Variants in PARP10 observed in about 807,000 individuals in gnomAD.
The protein encoded by PARP10 is poly(ADP-ribose) polymerase family member 10.
In PARP10, 56 loss-of-function variants were observed where a neutral mutation model predicts 82.4. That is an observed-to-expected ratio of 0.68 (90% CI 0.55 to 0.85). PARP10 has a LOEUF of 0.85. PARP10 is among the 40% of genes least tolerant of loss of function. The pLI is 0.00. For missense variants in PARP10, 1,227 were observed against 1,379.4 expected (o/e 0.89, Z 1.75); for synonymous variants, 576 against 601.1 (o/e 0.96, Z 0.61).
intron 1 of PARP10, among the ~76,000 whole-genome samples, chr8:144,002,180 G>T (rs564253936): frequency 2.0e-5 from 3 of 152,188 alleles, no homozygotes; most frequent in East Asian, 3.9e-4. Flanking sequence ...CATAATAAAA[G>T]ATTTTAAATA....
chr8:143,983,318 G>A lies in PARP10; in HGVS notation c.2271C>T (p.Cys757=), dbSNP rs1833906561. Reference sequence around the variant, plus strand: ...CACGCAGGGCAACACTCACACCATGGCACCGCTCCAGGCGAGCACGCAGCT... The same window carrying A: ...CACGCAGGGCAACACTCACACCATGACACCGCTCCAGGCGAGCACGCAGCT... ...PAELRARLER[C]HGVSVALRGD... The change falls in exon 8 of 11, where the codon TGC becomes TGT. Residue 757 remains cysteine (C), a synonymous_variant. Transcript: ENST00000313028. 1.2e-6 allele frequency: 2 copies of A among 1,611,896 alleles called. No homozygotes were observed. The highest frequency in any genetic ancestry group is 1.1e-5 in the South Asian group (1 of 90,930).
At chr8:143,994,529 A>G (rs1256711678), upstream of PARP10, among the ~76,000 whole-genome samples, 1 of 152,132 alleles carries the variant, frequency 6.6e-6, no homozygotes, top group Non-Finnish European at 1.5e-5. Context: ...CCATCTGCCC[A>G]CTGGTGGCTC....
intron 1 of PARP10, among the ~76,000 whole-genome samples, chr8:144,001,159 C>A (rs1270646470): frequency 6.6e-6 from 1 of 151,642 alleles, no homozygotes; most frequent in Non-Finnish European, 1.5e-5. Context: ...CGTGATCTGC[C>A]CGCCTCAGCC....
chr8:143,977,811 G>T lies in PARP10; in HGVS notation c.2751C>A (p.Gly917=). The T allele has an allele frequency of 6.2e-7, 1 of 1,600,924 alleles. No homozygotes were observed. ...GGGAGGCGCGCCTGGCGAAATACAC[G>T]CCCTTCCCGTAGACCGTGGCTGCAG... ...CGRNATVYGK[G]VYFARRASLS... is the part of the protein sequence containing the mutation. The change falls in exon 11 of 11, where the codon GGC becomes GGA. Residue 917 remains glycine, a synonymous_variant. Transcript: ENST00000313028.
intron 1 of PARP10, among the ~76,000 whole-genome samples, chr8:144,006,895 T>TG (rs782541354): frequency 6.6e-6 from 1 of 152,198 alleles, no homozygotes; most frequent in South Asian, 2.1e-4. Flanking sequence ...GCCAAGTCCA[T>TG]GGTCATTTCT....
rs1332009228 is a variant in PARP10, at chr8:144,011,750, C to T, written c.-80+780G>A. ...GAGCTGGGGAATAGAGATCCAAGTG[C>T]GGAGAAGGCAACGACGGGAGATTTG... On this transcript the variant is annotated intron_variant, in intron 1 of 3. Transcript: ENST00000530478. The surrounding 1 kb of genome is among the most constrained non-coding windows in gnomAD (Gnocchi z 4.5). 7.9e-5 allele frequency among the ~76,000 whole-genome samples: 12 copies of T among 152,088 alleles called. No homozygotes were observed. The highest frequency in any genetic ancestry group is 1.9e-4 in the East Asian group (1 of 5,166).
Position 143,977,392 on chromosome 8 carries a change from C to T in PARP10, c.*92G>A. Reference sequence around the variant, plus strand: ...AGGGAGGCAGGGGCGTCCCCGGGGACAGCTCAGGCGGCCACAGTTGGGGGC... The same window carrying T: ...AGGGAGGCAGGGGCGTCCCCGGGGATAGCTCAGGCGGCCACAGTTGGGGGC... On this transcript the variant is annotated 3_prime_UTR_variant, in exon 11 of 11. Transcript: ENST00000313028. The T allele has an allele frequency of 1.6e-6, 2 of 1,229,536 alleles. No homozygotes were observed. Among genetic ancestry groups the T allele is most frequent in the Non-Finnish European group, 2.2e-6 (2 of 907,582 alleles). 76.2% of individuals were successfully genotyped at this position (1,229,536 alleles called of 1,614,324 possible). A position where few individuals can be genotyped will look rare whatever the true frequency, so the allele number is the denominator to read the frequency against.
At chr8:143,986,511 G>A (rs189055545), upstream of PARP10, 15 of 1,223,454 alleles carry the variant, frequency 1.2e-5, no homozygotes, top group Admixed American at 2.9e-4. Context: ...TGGGCGCTGA[G>A]GCCTGGGTAC....
chr8:144,012,328 A>C (rs912682828), intron 1 of PARP10: 11 of 602,856 alleles, frequency 1.8e-5, no homozygotes, highest in Non-Finnish European at 3.0e-5. Context: ...TGGCATGGAG[A>C]GCTGAGGGTG....
chr8:143,994,902 A>C (rs1241978163), upstream of PARP10, among the ~76,000 whole-genome samples: 2 of 152,268 alleles, frequency 1.3e-5, no homozygotes, highest in East Asian at 3.9e-4. Flanking sequence ...TCAGGATTTT[A>C]TACGAAAGAG....
upstream of PARP10, among the ~76,000 whole-genome samples, chr8:143,995,434 G>A (rs79754168): frequency 4.0e-3 from 609 of 152,324 alleles, 2 homozygotes; most frequent in Non-Finnish European, 6.0e-3. Context: ...CAACTGAGAG[G>A]TCTGCTATCT....
upstream of PARP10, chr8:143,993,045 C>T (rs1304481871): frequency 8.8e-6 from 5 of 568,660 alleles, no homozygotes; most frequent in South Asian, 2.1e-5. Context: ...CCCCTTTAGT[C>T]CTCCCGCCCC....
chr8:143,992,607 G>C (rs1834119373), upstream of PARP10: 1 of 1,614,006 alleles, frequency 6.2e-7, no homozygotes, highest in Admixed American at 1.7e-5. Context: ...CTCTTCACCT[G>C]CGTGAGTGAG....
At chr8:143,978,373 G>C (rs573068687) in intron 9 of PARP10, among the ~76,000 whole-genome samples, 1 of 152,254 alleles carries the variant, frequency 6.6e-6, no homozygotes, top group South Asian at 2.1e-4. Flanking sequence ...GCTGAGCCAG[G>C]GCCCTATGCT....
upstream of PARP10, chr8:143,992,484 C>G: frequency 6.2e-7 from 1 of 1,614,194 alleles, no homozygotes; most frequent in East Asian, 2.2e-5. Context: ...GACTTCACCT[C>G]ATGCATGGGC....
intron 1 of PARP10, among the ~76,000 whole-genome samples, chr8:144,004,090 A>G (rs1311166561): frequency 6.6e-6 from 1 of 152,122 alleles, no homozygotes; most frequent in African/African-American, 2.4e-5. Context: ...AGGCAGGAGG[A>G]TCGCTTGAGG....
At chr8:143,991,174 C>T (rs782275014), upstream of PARP10, 4 of 1,396,242 alleles carry the variant, frequency 2.9e-6, no homozygotes, top group Middle Eastern at 1.9e-4. Flanking sequence ...CCAACTGTTC[C>T]ACTGTTCCTT....
intron 9 of PARP10, among the ~76,000 whole-genome samples, chr8:143,981,322 TGGTGACGACAGTGAGTGGTGAA>T (rs1415265819): frequency 8.1e-6 from 1 of 123,950 alleles, no homozygotes; most frequent in African/African-American, 3.1e-5. Flanking sequence ...GTGGTGATGG[TGGTGACGACAGTGAGTGGTGAA>T]GGTGATGGTG....
chr8:143,979,073 C>T (rs1045180680), intron 9 of PARP10, among the ~76,000 whole-genome samples: 4 of 151,836 alleles, frequency 2.6e-5, no homozygotes, highest in African/African-American at 4.8e-5. Context: ...CCCGGGTTCA[C>T]GCCATTCTCC....
Sources: gnomAD v4.1 joint callset for allele counts (sites outside exome capture counted in the v4.1 genomes callset) on GRCh38, gnomAD v4.1.1 for gene constraint, Gnocchi (gnomAD v3.1) non-coding constraint, MANE v1.5 for transcripts, NCBI Gene and HGNC (gene_info 2026-07-23, HGNC 2026-07-21) for gene names.